Variants in DDI2 observed in about 807,000 individuals in gnomAD.
DDI2 encodes DDI proteasomal shuttling factor 2.
DDI2 carries 5 observed loss-of-function variants against 48.1 expected under a neutral mutation model. That is an observed-to-expected ratio of 0.10 (90% confidence interval 0.05 to 0.22). The LOEUF is 0.22. Ranked by LOEUF, DDI2 falls within the 10% of genes least tolerant of loss-of-function variation. DDI2 has a pLI of 1.00. For synonymous variants in DDI2, 205 were observed against 183.6 expected (o/e 1.12, Z -0.94); for missense variants, 285 against 506.2 (o/e 0.56, Z 4.19).
intron 9 of DDI2, among the ~76,000 whole-genome samples, chr1:15,657,241 C>T (rs1382584736): frequency 2.0e-5 from 3 of 152,206 alleles, no homozygotes; most frequent in African/African-American, 7.2e-5. Context: ...AAGCACTCTG[C>T]TTCCATTTCC....
chr1:15,656,558 A>G lies in DDI2; in HGVS notation c.1184-59A>G, dbSNP rs1640276321. ...AAAAGAACGGAAACTATAACCCTGC[A>G]TGCTGTGTGGTTTGCATTGTTAACC... On this transcript the variant is annotated intron_variant, in intron 8 of 9. Coordinates refer to ENST00000480945, the MANE Select transcript of DDI2 (RefSeq NM_032341.5). The G allele has an allele frequency of 5.0e-6, 8 of 1,614,088 alleles. No individual in the cohort carries two copies. In the South Asian group the frequency reaches 7.7e-5, roughly 16 times the overall value.
At chr1:15,633,773 A>G (rs1639883743) in intron 4 of DDI2, 1 of 668,280 alleles carries the variant, frequency 1.5e-6, no homozygotes, top group Non-Finnish European at 2.5e-6. Context: ...GCTTAGTTTA[A>G]TGACTTTCTT....
intron 3 of DDI2, among the ~76,000 whole-genome samples, chr1:15,632,672 T>C (rs79004568): frequency 0.013 from 1,977 of 152,222 alleles, 52 homozygotes; most frequent in African/African-American, 0.046. Flanking sequence ...AGTTTATACT[T>C]AATGTATCTG....
At chr1:15,619,470 CT>C (rs556693940) in intron 1 of DDI2, among the ~76,000 whole-genome samples, 266 of 125,642 alleles carry the variant, frequency 2.1e-3, no homozygotes, top group African/African-American at 6.3e-3. Context: ...CTTTTCTTTT[CT>C]TTTTTTTTTT....
At position 15,617,615 on chromosome 1, in the gene DDI2, C is replaced by G; in HGVS notation, c.-56C>G. ...CCAGGCCACGCCGCCGCCTCTTCCC[C>G]TGCGCCCCGCGCCCAGGCCGGGCCG... On this transcript the variant is annotated 5_prime_UTR_variant, in exon 1 of 10. Coordinates refer to ENST00000480945, the MANE Select transcript of DDI2 (RefSeq NM_032341.5). The G allele has an allele frequency of 7.8e-7, 1 of 1,284,584 alleles. No individual in the cohort carries two copies. Among genetic ancestry groups the G allele is most frequent in the South Asian group, 2.5e-5 (1 of 39,762 alleles). The allele number at this position is 1,284,584 out of a possible 1,614,324, so 79.6% of individuals were successfully genotyped here.
chr1:15,618,037 C>T (rs1639592078), intron 1 of DDI2, among the ~76,000 whole-genome samples: 1 of 152,226 alleles, frequency 6.6e-6, no homozygotes, highest in African/African-American at 2.4e-5. Flanking sequence ...GAGAACCTGA[C>T]CGCAGACGCA....
At chr1:15,631,829 G>A (rs1415223011) in intron 3 of DDI2, among the ~76,000 whole-genome samples, 7 of 150,446 alleles carry the variant, frequency 4.7e-5, no homozygotes, top group Admixed American at 2.6e-4. Context: ...TTCTTGAGAC[G>A]GAGTTTCACT....
At chr1:15,631,952 T>C (rs1639852528) in intron 3 of DDI2, among the ~76,000 whole-genome samples, 1 of 151,926 alleles carries the variant, frequency 6.6e-6, no homozygotes, top group South Asian at 2.1e-4. Context: ...ACTACAGGCG[T>C]GCACCACCAC....
chr1:15,622,195 C>T (rs1639676389), intron 1 of DDI2, among the ~76,000 whole-genome samples: 3 of 108,408 alleles, frequency 2.8e-5, no homozygotes, highest in East Asian at 2.0e-4. Flanking sequence ...CAAGTAGCTG[C>T]GACTTTTTTT....
At chr1:15,629,554 G>A (rs2103464442) in intron 2 of DDI2, among the ~76,000 whole-genome samples, 1 of 149,604 alleles carries the variant, frequency 6.7e-6, no homozygotes, top group African/African-American at 2.5e-5. Context: ...GCAAGATCGT[G>A]CCATTGCACT....
chr1:15,637,146 T>TG (rs1239824192), intron 4 of DDI2, among the ~76,000 whole-genome samples: 1 of 152,240 alleles, frequency 6.6e-6, no homozygotes, highest in Admixed American at 6.5e-5. Context: ...CATGAGATGT[T>TG]GGAGTAAGCA....
intron 8 of DDI2, 175 bp from the exon 9 acceptor site, chr1:15,656,442 G>C: frequency 2.0e-6 from 3 of 1,487,228 alleles, no homozygotes; most frequent in Non-Finnish European, 2.7e-6. Context: ...TATTGTGAGA[G>C]AATGGAAGCA....
chr1:15,644,703 C>T (rs2103473956), intron 6 of DDI2, among the ~76,000 whole-genome samples: 1 of 145,730 alleles, frequency 6.9e-6, no homozygotes, highest in East Asian at 2.1e-4. Flanking sequence ...ACACCATTCT[C>T]CTACCTCAGC....
intron 5 of DDI2, among the ~76,000 whole-genome samples, chr1:15,641,638 C>T (rs905314388): frequency 5.9e-5 from 9 of 151,806 alleles, no homozygotes; most frequent in African/African-American, 2.2e-4. Flanking sequence ...CAGTGTGAGC[C>T]AGGCTGATCA....
intron 3 of DDI2, among the ~76,000 whole-genome samples, chr1:15,632,924 TTTTTTTTAAA>T (rs1395105998): frequency 1.5e-5 from 2 of 129,888 alleles, no homozygotes; most frequent in African/African-American, 3.2e-5. Context: ...TTTTTTTTTT[TTTTTTTTAAA>T]AAAAAAAAAA....
intron 5 of DDI2, among the ~76,000 whole-genome samples, chr1:15,641,292 T>C (rs1640004104): frequency 6.6e-6 from 1 of 151,478 alleles, no homozygotes; most frequent in Non-Finnish European, 1.5e-5. Context: ...GCCAACATGG[T>C]GAAACCCCAT....
intron 1 of DDI2, among the ~76,000 whole-genome samples, chr1:15,620,473 C>A (rs1639641395): frequency 3.3e-5 from 5 of 152,146 alleles, no homozygotes; most frequent in Admixed American, 3.3e-4. Flanking sequence ...CTCATCTTCC[C>A]TTCCTTTCCT....
intron 4 of DDI2, among the ~76,000 whole-genome samples, chr1:15,637,307 G>A (rs891467776): frequency 5.9e-5 from 9 of 151,918 alleles, no homozygotes; most frequent in African/African-American, 2.2e-4. Context: ...CTGAGCTCAA[G>A]GGATCCACCT....
At chr1:15,636,025 T>A (rs1363638475) in intron 4 of DDI2, among the ~76,000 whole-genome samples, 1 of 152,244 alleles carries the variant, frequency 6.6e-6, no homozygotes. Flanking sequence ...TGCTTTTGAC[T>A]TTCTGAGTTT....
Sources: gnomAD v4.1 joint callset for allele counts (sites outside exome capture counted in the v4.1 genomes callset) on GRCh38, gnomAD v4.1.1 for gene constraint, MANE v1.5 for transcripts, NCBI Gene and HGNC (gene_info 2026-07-23, HGNC 2026-07-21) for gene names.